The following ALG5 variants were observed in gnomAD, a reference collection of about 807,000 sequenced individuals.
ALG5 encodes ALG5 dolichyl-phosphate beta-glucosyltransferase.
In ALG5, 26 loss-of-function variants were observed where a neutral mutation model predicts 51.8. The observed-to-expected ratio is 0.50, with a 90% CI of 0.37 to 0.70. The LOEUF (loss-of-function observed/expected upper bound fraction) is 0.70. Ranked by LOEUF, ALG5 falls within the 30% of genes least tolerant of loss-of-function variation. The pLI is 0.00. For synonymous variants in ALG5, 141 were observed against 136.1 expected (o/e 1.04, Z -0.25); for missense variants, 311 against 399.3 (o/e 0.78, Z 1.88).
chr13:36,958,934 C>T (rs997611082), intron 8 of ALG5, among the ~76,000 whole-genome samples: 6 of 151,964 alleles, frequency 3.9e-5, no homozygotes, highest in African/African-American at 9.7e-5. Context: ...GGGTCCCCTC[C>T]CATTGTATGG....
At chr13:36,982,439 A>G (rs2058984264) in intron 6 of ALG5, among the ~76,000 whole-genome samples, 1 of 152,252 alleles carries the variant, frequency 6.6e-6, no homozygotes, top group Non-Finnish European at 1.5e-5. Context: ...AGCAAACTAT[A>G]GCCTGTAGCC....
chr13:36,961,467 A>C (rs2058866462), intron 8 of ALG5, among the ~76,000 whole-genome samples: 1 of 152,206 alleles, frequency 6.6e-6, no homozygotes, highest in Non-Finnish European at 1.5e-5. Flanking sequence ...ATGAGGTATA[A>C]GTAACCTAGA....
chr13:36,966,534 G>A (rs530814077), intron 7 of ALG5, among the ~76,000 whole-genome samples: 50 of 152,262 alleles, frequency 3.3e-4, no homozygotes, highest in African/African-American at 1.2e-3. Flanking sequence ...TTTAGAGACA[G>A]AGACGCCTTC....
chr13:36,981,988 G>A (rs1229264051), intron 6 of ALG5, among the ~76,000 whole-genome samples: 1 of 152,234 alleles, frequency 6.6e-6, no homozygotes, highest in African/African-American at 2.4e-5. Context: ...CTACTGGGGA[G>A]GCTGAGGCAG....
intron 6 of ALG5, among the ~76,000 whole-genome samples, chr13:36,984,764 AC>A (rs1460436284): frequency 6.6e-6 from 1 of 151,438 alleles, no homozygotes; most frequent in Non-Finnish European, 1.5e-5. Context: ...GGGAGGAGGG[AC>A]CCTCCCCTGG....
At chr13:36,967,286 G>T (rs9547707) in intron 7 of ALG5, among the ~76,000 whole-genome samples, 137,933 of 152,034 alleles carry the variant, frequency 0.91, 62,754 homozygotes, top group East Asian at 1. Flanking sequence ...GGCCTATATT[G>T]GAATCCTGGC....
At chr13:36,993,111 C>A (rs1278489606) in intron 4 of ALG5, among the ~76,000 whole-genome samples, 1 of 152,200 alleles carries the variant, frequency 6.6e-6, no homozygotes, top group African/African-American at 2.4e-5. Context: ...TATCACTAAA[C>A]TGCTGAGATG....
intron 1 of ALG5, among the ~76,000 whole-genome samples, chr13:36,997,293 C>T (rs868349488): frequency 3.3e-5 from 5 of 151,748 alleles, no homozygotes; most frequent in African/African-American, 1.2e-4. Context: ...GCCAACATGG[C>T]GAAACCCCAT....
chr13:36,983,191 C>G (rs901229781), intron 6 of ALG5, among the ~76,000 whole-genome samples: 5 of 152,110 alleles, frequency 3.3e-5, no homozygotes, highest in Non-Finnish European at 7.4e-5. Context: ...AATCTGATGC[C>G]TTATGCCCTC....
chr13:36,967,973 A>G (rs2138794723), intron 7 of ALG5: 2 of 327,122 alleles, frequency 6.1e-6, no homozygotes, highest in South Asian at 6.9e-5. Flanking sequence ...GGATGTTAAT[A>G]ACAGGATTTT....
At chr13:36,963,116 A>G (rs745428222) in intron 8 of ALG5, among the ~76,000 whole-genome samples, 1 of 152,000 alleles carries the variant, frequency 6.6e-6, no homozygotes, top group African/African-American at 2.4e-5. Context: ...CAAGCTAATT[A>G]AAAAAATTTT....
Position 36,979,493 on chromosome 13 carries a change from G to A in ALG5, c.561+6134C>T, listed in dbSNP as rs2058969122. Among the ~76,000 whole-genome samples the A allele has an allele frequency of 2.0e-5, 3 of 152,078 alleles. No homozygotes were observed. The South Asian group carries it at 6.2e-4, about 32-fold the overall frequency. On this transcript the variant is annotated intron_variant, in intron 6 of 9. Transcript: ENST00000239891. ...GGACTAACTGTCACATTCTTTTAAG[G>A]AACCAAACCATGCACGCAGATATGA...
intron 8 of ALG5, among the ~76,000 whole-genome samples, chr13:36,955,034 G>A (rs1003369250): frequency 6.6e-6 from 1 of 152,216 alleles, no homozygotes; most frequent in Non-Finnish European, 1.5e-5. Flanking sequence ...GGCCTCAACT[G>A]ATGTCTTCAG....
rs1245593715 is a variant in ALG5, at chr13:36,984,850, C to T, written c.561+777G>A. 3.9e-5 allele frequency among the ~76,000 whole-genome samples: 6 copies of T among 152,196 alleles called. 1 individual carries two copies. The highest frequency in any genetic ancestry group is 1.4e-4 in the African/African-American group (6 of 41,522). ...TTTGTCGAGTGTCTTGAACAAGGTACACTCCATCCAGGAAAGGATCTAGTC... is the reference window on the plus strand; with the variant it reads ...TTTGTCGAGTGTCTTGAACAAGGTATACTCCATCCAGGAAAGGATCTAGTC... On this transcript the variant is annotated intron_variant, in intron 6 of 9. Transcript: ENST00000239891.
At chr13:36,992,944 C>T (rs1037586200) in intron 4 of ALG5, among the ~76,000 whole-genome samples, 8 of 152,144 alleles carry the variant, frequency 5.3e-5, no homozygotes, top group African/African-American at 1.9e-4. Flanking sequence ...GGAGGGCATC[C>T]CTGATCCTTC....
chr13:36,981,544 A>T (rs550196948), intron 6 of ALG5, among the ~76,000 whole-genome samples: 50 of 152,356 alleles, frequency 3.3e-4, no homozygotes, highest in African/African-American at 1.2e-3. Context: ...CTACACTTTT[A>T]GACACAGAAA....
intron 9 of ALG5, among the ~76,000 whole-genome samples, chr13:36,952,116 T>G (rs1054971900): frequency 1.1e-4 from 17 of 152,172 alleles, no homozygotes; most frequent in African/African-American, 4.1e-4. Context: ...TTATTTAGCT[T>G]TGCATAGTGG....
intron 8 of ALG5, among the ~76,000 whole-genome samples, chr13:36,954,860 T>C (rs1179421018): frequency 6.6e-6 from 1 of 152,180 alleles, no homozygotes; most frequent in Non-Finnish European, 1.5e-5. Flanking sequence ...TGCTGCCTCC[T>C]GCAGCCCTAT....
chr13:36,958,429 C>T (rs976125722), intron 8 of ALG5, among the ~76,000 whole-genome samples: 2 of 152,294 alleles, frequency 1.3e-5, no homozygotes, highest in Middle Eastern at 3.4e-3. Context: ...TGTAAAACTA[C>T]AAGTGGTTCT....
Sources: gnomAD v4.1 joint callset for allele counts (sites outside exome capture counted in the v4.1 genomes callset) on GRCh38, gnomAD v4.1.1 for gene constraint, MANE v1.5 for transcripts, NCBI Gene and HGNC (gene_info 2026-07-23, HGNC 2026-07-21) for gene names.